PASD1: variants seen among roughly 807,000 people sequenced by gnomAD.
The protein encoded by PASD1 is circadian clock protein PASD1.
PASD1 carries 13 observed loss-of-function variants against 58.8 expected under a neutral mutation model. The observed-to-expected ratio is 0.22, with a 90% CI of 0.14 to 0.35. The LOEUF (loss-of-function observed/expected upper bound fraction) is 0.35, where lower values mean the gene tolerates loss of function less well. Among genes scored for constraint, PASD1 ranks in the 10% least tolerant of loss-of-function variants. The pLI is 1.00. For synonymous variants in PASD1, 236 were observed against 216.7 expected, an observed-to-expected ratio of 1.09 and a Z score of -0.78; for missense variants, 734 against 568.3, an observed-to-expected ratio of 1.29 and a Z score of -2.96.
At chrX:151,599,343 C>T (rs1004218608) in intron 1 of PASD1, among the ~76,000 whole-genome samples, 2 of 113,185 alleles carry the variant, frequency 1.8e-5, no homozygotes, top group Non-Finnish European at 3.8e-5. Context: ...GGGTACACCT[C>T]CCAGATGGGG....
Position 151,664,351 on chromosome X carries a change from A to G in PASD1, c.1071+3A>G, listed in dbSNP as rs1220116542. ...GGGCTGCTGGCGCAAGTGCTCAGGTACTCTGAAAGTCTCGCTTCACTCGCT... is the reference window on the plus strand; with the variant it reads ...GGGCTGCTGGCGCAAGTGCTCAGGTGCTCTGAAAGTCTCGCTTCACTCGCT... On this transcript the variant is annotated splice_donor_region_variant and intron_variant, in intron 11 of 15. Transcript: ENST00000370357. The G allele has an allele frequency of 8.3e-7, 1 of 1,210,755 alleles. No homozygotes were observed. The highest frequency in any genetic ancestry group is 3.0e-5 in the East Asian group (1 of 33,779).
chrX:151,611,692 G>C lies in PASD1; in HGVS notation c.146G>C (p.Ser49Thr). The C allele has an allele frequency of 8.3e-7, 1 of 1,202,936 alleles. No individual in the cohort carries two copies. The highest frequency in any genetic ancestry group is 1.1e-6 in the Non-Finnish European group (1 of 890,423). ...TTAGATGGCTTTATGATTACACTGA[G>C]CACAGATGGAGTGATCATTTGTGTG... ...QLLDGFMITL[S>T]TDGVIICVAE... The change falls in exon 4 of 16, where the codon AGC becomes ACC. Residue 49 changes from serine (S) to threonine (T), a missense_variant. By Grantham distance (58) the Ser-to-Thr change is moderately conservative. Coordinates refer to ENST00000370357, the MANE Select transcript of PASD1 (RefSeq NM_173493.3).
chrX:151,573,295 T>C (rs1210550774), intron 1 of PASD1, among the ~76,000 whole-genome samples: 1 of 111,627 alleles, frequency 9.0e-6, no homozygotes, highest in Non-Finnish European at 1.9e-5. Flanking sequence ...AGGACAGATA[T>C]TCAAACTATA....
chrX:151,584,400 C>G (rs1220879831), intron 1 of PASD1, among the ~76,000 whole-genome samples: 5 of 111,866 alleles, frequency 4.5e-5, no homozygotes, highest in Non-Finnish European at 9.4e-5. Flanking sequence ...ATCTATAGGT[C>G]TTATTCACTA....
intron 4 of PASD1, among the ~76,000 whole-genome samples, chrX:151,614,585 A>G (rs2013614683): frequency 8.9e-6 from 1 of 112,412 alleles, no homozygotes; most frequent in Non-Finnish European, 1.9e-5. Context: ...CACTAATGGT[A>G]GTAGTGTAAA....
At chrX:151,625,701 T>C (rs1281463684) in intron 8 of PASD1, among the ~76,000 whole-genome samples, 171 bp downstream of exon 8, 1 of 111,608 alleles carries the variant, frequency 9.0e-6, no homozygotes, top group African/African-American at 3.3e-5. Flanking sequence ...CCCAGAACTT[T>C]GGGAGGCTGA....
chrX:151,615,224 A>G (rs986214495), intron 4 of PASD1, among the ~76,000 whole-genome samples: 3 of 97,658 alleles, frequency 3.1e-5, no homozygotes, highest in Non-Finnish European at 4.5e-5. Context: ...TTATGATATG[A>G]TCTTGCTTCT....
chrX:151,675,970 C>G, intron 15 of PASD1, 27 bp from the exon 16 acceptor site: 2 of 1,207,654 alleles, frequency 1.7e-6, no homozygotes, highest in Non-Finnish European at 2.2e-6. Context: ...AGCAAACATT[C>G]CACCTTGTTT....
At chrX:151,658,193 A>G (rs759321362) in intron 9 of PASD1, among the ~76,000 whole-genome samples, 11 of 112,257 alleles carry the variant, frequency 9.8e-5, no homozygotes, top group Admixed American at 6.6e-4. Flanking sequence ...CAATTATGGA[A>G]TAAAGGTGAA....
intron 1 of PASD1, among the ~76,000 whole-genome samples, chrX:151,573,859 A>T (rs192544893): frequency 8.5e-4 from 95 of 111,881 alleles, no homozygotes; most frequent in African/African-American, 3.0e-3. Flanking sequence ...AGACAGTTTT[A>T]TTGTGGTGAT....
chrX:151,581,049 G>A (rs1318265029), intron 1 of PASD1, among the ~76,000 whole-genome samples: 3 of 108,587 alleles, frequency 2.8e-5, no homozygotes, highest in Admixed American at 1.0e-4. Flanking sequence ...CCAACATGGC[G>A]AAACCCCATC....
At chrX:151,658,647 C>T (rs1476103349) in intron 9 of PASD1, among the ~76,000 whole-genome samples, 1 of 112,018 alleles carries the variant, frequency 8.9e-6, no homozygotes, top group Non-Finnish European at 1.9e-5. Flanking sequence ...CAACATATCA[C>T]TTATTAGGGA....
At chrX:151,579,212 A>G (rs1316692141) in intron 1 of PASD1, among the ~76,000 whole-genome samples, 2 of 112,393 alleles carry the variant, frequency 1.8e-5, no homozygotes, top group Non-Finnish European at 3.7e-5. Context: ...TGTATAAGAT[A>G]GATCCAGTGT....
At chrX:151,582,177 G>A (rs767847588) in intron 1 of PASD1, among the ~76,000 whole-genome samples, 12 of 109,488 alleles carry the variant, frequency 1.1e-4, no homozygotes, top group African/African-American at 3.7e-4. Context: ...TAGTAGAGAC[G>A]GGGTTTCACC....
rs186998173 is a variant in PASD1 at position 151,634,528 on chromosome X, C to T, written c.629+8998C>T. 3.6e-5 allele frequency among the ~76,000 whole-genome samples: 4 copies of T among 110,373 alleles called. No homozygotes were observed. The East Asian group carries it at 1.1e-3, about 31-fold the overall frequency. ...TGGTATAGGATCCAATTTAGGATCACGATTACATTTAGTTGTCATATGTCT... is the reference window on the plus strand; with the variant it reads ...TGGTATAGGATCCAATTTAGGATCATGATTACATTTAGTTGTCATATGTCT... On this transcript the variant is annotated intron_variant, in intron 8 of 15. Coordinates refer to ENST00000370357, the MANE Select transcript of PASD1 (RefSeq NM_173493.3).
At chrX:151,606,713 G>A (rs2013493526) in intron 3 of PASD1, among the ~76,000 whole-genome samples, 1 of 110,464 alleles carries the variant, frequency 9.1e-6, no homozygotes. Flanking sequence ...GCCCATGGGG[G>A]TCCAGACTAA....
chrX:151,669,545 C>G (rs183492994), intron 11 of PASD1, among the ~76,000 whole-genome samples: 1,135 of 110,960 alleles, frequency 0.01, 15 homozygotes, highest in African/African-American at 0.034. Context: ...TCATCCCCCT[C>G]TTCCCCATTC....
chrX:151,653,844 T>TTCCTTCCTTCCTTCCTTCCTTCCC (rs1556202746), intron 9 of PASD1, among the ~76,000 whole-genome samples: 1 of 19,194 alleles, frequency 5.2e-5, no homozygotes, highest in African/African-American at 1.6e-4. Flanking sequence ...CCTTCCTTCC[T>TTCCTTCCTTCCTTCCTTCCTTCCC]TCCCTCCCTC....
intron 9 of PASD1, among the ~76,000 whole-genome samples, chrX:151,649,009 T>C (rs770673256): frequency 8.9e-5 from 10 of 112,224 alleles, no homozygotes; most frequent in African/African-American, 3.2e-4. Context: ...TAGAAAGCCA[T>C]GAAGGCTAGA....
Sources: gnomAD v4.1 joint callset for allele counts (sites outside exome capture counted in the v4.1 genomes callset) on GRCh38, gnomAD v4.1.1 for gene constraint, MANE v1.5 for transcripts, NCBI Gene and HGNC (gene_info 2026-07-23, HGNC 2026-07-21) for gene names.